RAB37: variants seen among roughly 807,000 people sequenced by gnomAD.
RAB37 encodes the protein ras-related protein Rab-37.
Under a neutral mutation model 33.1 loss-of-function variants are expected in RAB37, and 29 were observed. The ratio of observed to expected loss-of-function variants is 0.88; its 90% CI spans 0.65 to 1.20. RAB37 has a LOEUF of 1.20. Ranked by LOEUF, RAB37 falls within the 50% of genes most tolerant of loss-of-function variation. RAB37 has a pLI of 0.00. For synonymous variants in RAB37, 128 were observed against 119.5 expected (o/e 1.07, Z -0.47); for missense variants, 299 against 301.1 (o/e 0.99, Z 0.05).
chr17:74,713,442 T>C (rs2034094854), intron 1 of RAB37, among the ~76,000 whole-genome samples: 1 of 152,048 alleles, frequency 6.6e-6, no homozygotes, highest in South Asian at 2.1e-4. Context: ...CCGTGGGTTC[T>C]CTAAAAAGAG....
intron 1 of RAB37, among the ~76,000 whole-genome samples, chr17:74,675,549 T>G (rs147848302): frequency 1.6e-4 from 24 of 152,202 alleles, no homozygotes; most frequent in African/African-American, 5.8e-4. Flanking sequence ...GAGCAGCAGC[T>G]TCATACAAGA....
chr17:74,691,928 C>T (rs937843640), intron 1 of RAB37, among the ~76,000 whole-genome samples: 7 of 149,326 alleles, frequency 4.7e-5, no homozygotes, highest in African/African-American at 1.5e-4. Context: ...TGCAGTGGCG[C>T]GATCTCAGCT....
upstream of RAB37, among the ~76,000 whole-genome samples, chr17:74,735,670 G>A (rs1049976943): frequency 2.0e-5 from 3 of 152,192 alleles, no homozygotes; most frequent in African/African-American, 7.2e-5. Flanking sequence ...CCCTGTTTGA[G>A]TCCCGCCCTA....
intron 1 of RAB37, among the ~76,000 whole-genome samples, chr17:74,693,758 A>G (rs1445338877): frequency 6.6e-6 from 1 of 152,048 alleles, no homozygotes; most frequent in Non-Finnish European, 1.5e-5. Flanking sequence ...GTAAAATCCC[A>G]TCTCTACTAA....
intron 1 of RAB37, among the ~76,000 whole-genome samples, chr17:74,716,465 A>G (rs1428373898): frequency 2.0e-5 from 3 of 152,080 alleles, no homozygotes; most frequent in African/African-American, 7.2e-5. Flanking sequence ...CTCACTTCCA[A>G]TTGCACTTTA....
rs1005261862 is a variant in RAB37 at position 74,730,714 on chromosome 17, C to G, written c.183+1348C>G. On this transcript the variant is annotated intron_variant, in intron 2 of 7. Transcript: ENST00000340415. This position sits in a 1 kb window ranked among gnomAD's most constrained non-coding sequence, Gnocchi z 4.4. The stretch of plus-strand genomic sequence containing the variant: ...TCTGCTCTCAGCAGCCAGGGCACAC[C>G]CTGCCCTCAGGGTCACACCCGCATC... 1.3e-5 allele frequency among the ~76,000 whole-genome samples: 2 copies of G among 152,082 alleles called. No individual in the cohort carries two copies. Among genetic ancestry groups the G allele is most frequent in the Non-Finnish European group, 2.9e-5 (2 of 67,992 alleles).
intron 1 of RAB37, among the ~76,000 whole-genome samples, chr17:74,700,254 G>A (rs941286731): frequency 6.6e-6 from 1 of 152,050 alleles, no homozygotes; most frequent in Non-Finnish European, 1.5e-5. Flanking sequence ...AATGGCCAGG[G>A]CTGACAATGG....
rs549880944 is a variant in RAB37, at chr17:74,729,884, G to A, written c.183+518G>A. 2.6e-5 allele frequency among the ~76,000 whole-genome samples: 4 copies of A among 152,332 alleles called. No homozygotes were observed. Among genetic ancestry groups the A allele is most frequent in the East Asian group, 1.9e-4 (1 of 5,186 alleles). On this transcript the variant is annotated intron_variant, in intron 2 of 7. Coordinates refer to the RAB37 transcript ENST00000340415. This position sits in a 1 kb window ranked among gnomAD's most constrained non-coding sequence, Gnocchi z 4.2. ...AGAAGATCTGGAGGGACAAAGGGAC[G>A]ACAAAGTTTTCAGCACAGTCCAAAC...
chr17:74,705,156 G>C (rs1262375427), intron 1 of RAB37: 4 of 691,238 alleles, frequency 5.8e-6, no homozygotes, highest in Non-Finnish European at 1.1e-5. Context: ...TGTTAGTCCA[G>C]TGTGGTGGGG....
At chr17:74,724,655 T>C (rs1487554520) in intron 1 of RAB37, among the ~76,000 whole-genome samples, 6 of 152,090 alleles carry the variant, frequency 3.9e-5, no homozygotes, top group African/African-American at 1.4e-4. Context: ...GGATAGGCAG[T>C]GGAGTTAGGA....
At chr17:74,704,172 G>C (rs1013476030) in intron 1 of RAB37, among the ~76,000 whole-genome samples, 4 of 152,202 alleles carry the variant, frequency 2.6e-5, no homozygotes, top group Non-Finnish European at 4.4e-5. Context: ...GGGTACCATG[G>C]GAAGGCATCC....
intron 1 of RAB37, among the ~76,000 whole-genome samples, chr17:74,700,724 C>T (rs947522436): frequency 2.6e-5 from 4 of 152,118 alleles, no homozygotes; most frequent in Non-Finnish European, 5.9e-5. Context: ...TGCACTCCAG[C>T]ATGGGTGACA....
intron 1 of RAB37, among the ~76,000 whole-genome samples, chr17:74,699,082 C>A (rs2032794357): frequency 6.6e-6 from 1 of 152,066 alleles, no homozygotes. Context: ...CCACACCTAG[C>A]TAATTTTTGT....
Position 74,742,994 on chromosome 17 carries a change from G to A in RAB37, c.247-135G>A, listed in dbSNP as rs1227189851. The A allele has an allele frequency of 1.4e-6, 1 of 735,214 alleles. No individual in the cohort carries two copies. The highest frequency in any genetic ancestry group is 2.3e-6 in the Non-Finnish European group (1 of 430,036). 45.5% of individuals were successfully genotyped at this position (735,214 alleles called of 1,614,324 possible). A position where few individuals can be genotyped will look rare whatever the true frequency, so the allele number is the denominator to read the frequency against. On this transcript the variant is annotated intron_variant, in intron 3 of 8. Transcript: ENST00000392613. This position sits in a 1 kb window ranked among gnomAD's most constrained non-coding sequence, Gnocchi z 4.0. ...TGTCCAGGTCATTGGATGCTCAGGG[G>A]CTCATGAGAACCTAAAGAAGAAAAC...
At chr17:74,736,377 T>A (rs1158928483), upstream of RAB37, among the ~76,000 whole-genome samples, 1 of 152,238 alleles carries the variant, frequency 6.6e-6, no homozygotes, top group East Asian at 1.9e-4. Context: ...ACAGAGCCCC[T>A]GAGCTCTGCT....
chr17:74,735,848 T>G (rs1412803548), upstream of RAB37, among the ~76,000 whole-genome samples: 4 of 152,130 alleles, frequency 2.6e-5, no homozygotes, highest in Non-Finnish European at 5.9e-5. Context: ...ACAAAGTCAG[T>G]CCCCACAGGC....
chr17:74,737,494 G>A, intron 1 of RAB37, 129 bp downstream of exon 1: 1 of 1,096,618 alleles, frequency 9.1e-7, no homozygotes, highest in South Asian at 1.6e-5. Flanking sequence ...GAGAGGGTCA[G>A]GACACAGCCT....
intron 1 of RAB37, chr17:74,695,024 C>G (rs1214672200): frequency 6.6e-7 from 1 of 1,507,118 alleles, no homozygotes; most frequent in Non-Finnish European, 9.0e-7. Context: ...ATGAGGGGAG[C>G]AGGGGGCAGA....
intron 1 of RAB37, among the ~76,000 whole-genome samples, chr17:74,719,613 A>G (rs2034211946): frequency 6.6e-6 from 1 of 151,956 alleles, no homozygotes; most frequent in African/African-American, 2.4e-5. Flanking sequence ...AATCTCCTGG[A>G]CTCAAGTAAT....
Sources: allele counts gnomAD v4.1 joint callset (sites outside exome capture counted in the v4.1 genomes callset), GRCh38; gene constraint gnomAD v4.1.1; non-coding constraint Gnocchi (gnomAD v3.1); transcripts MANE v1.5; gene names NCBI Gene and HGNC (gene_info 2026-07-23, HGNC 2026-07-21).